Variants in KCNAB1 observed in about 807,000 individuals in gnomAD.
The protein encoded by KCNAB1 is potassium voltage-gated channel subfamily A regulatory beta subunit 1, also known as voltage-gated potassium channel subunit beta-1.
Under a neutral mutation model 64.6 loss-of-function variants are expected in KCNAB1, and 35 were observed. The observed-to-expected ratio is 0.54, with a 90% CI of 0.41 to 0.72. The LOEUF (loss-of-function observed/expected upper bound fraction) is 0.72. Among genes scored for constraint, KCNAB1 ranks in the 30% least tolerant of loss-of-function variants. KCNAB1 has a pLI of 0.00. For synonymous variants in KCNAB1, 177 were observed against 183.8 expected (o/e 0.96, Z 0.30); for missense variants, 401 against 512.9 (o/e 0.78, Z 2.11).
chr3:156,431,742 T>G (rs1248371459), intron 2 of KCNAB1, among the ~76,000 whole-genome samples: 1 of 152,238 alleles, frequency 6.6e-6, no homozygotes, highest in Non-Finnish European at 1.5e-5. Flanking sequence ...CACAAATTTC[T>G]AGGCCCACAT....
chr3:156,469,296 A>T (rs6770305), intron 7 of KCNAB1, among the ~76,000 whole-genome samples: 2 of 134,308 alleles, frequency 1.5e-5, no homozygotes, highest in African/African-American at 5.5e-5. Context: ...TTACTCTGCC[A>T]CCCAGGCTGG....
intron 1 of KCNAB1, among the ~76,000 whole-genome samples, chr3:156,189,365 G>A (rs555270638): frequency 6.6e-6 from 1 of 152,334 alleles, no homozygotes; most frequent in African/African-American, 2.4e-5. Context: ...CAGAGAGGGT[G>A]TGTGAGTAAG....
chr3:156,230,417 G>C (rs1284166968), intron 1 of KCNAB1, among the ~76,000 whole-genome samples: 1 of 152,150 alleles, frequency 6.6e-6, no homozygotes, highest in Admixed American at 6.5e-5. Flanking sequence ...ATGCCATTTA[G>C]GTCTGTGTAA....
intron 1 of KCNAB1, among the ~76,000 whole-genome samples, chr3:156,419,971 C>A (rs751309187): frequency 6.6e-6 from 1 of 152,206 alleles, no homozygotes; most frequent in Non-Finnish European, 1.5e-5. Context: ...ACTAAATGAA[C>A]AATTTCTTAT....
At chr3:156,235,889 G>T (rs78157408) in intron 1 of KCNAB1, among the ~76,000 whole-genome samples, 2,571 of 152,200 alleles carry the variant, frequency 0.017, 46 homozygotes, top group South Asian at 0.03. Context: ...TGGGGGCTAT[G>T]ATGTTGCTTA....
At position 156,447,869 on chromosome 3, in the gene KCNAB1, T is replaced by C. The variant is rs144162961; in HGVS notation, c.320-5030T>C. ...AATTGCACTATGGTGATGTAAGATA[T>C]TAAAATGATCTCATCTAAATGTCTA... On this transcript the variant is annotated intron_variant, in intron 2 of 13. Transcript: ENST00000490337. Among the ~76,000 whole-genome samples the C allele has an allele frequency of 2.0e-5, 3 of 152,336 alleles. No homozygotes were observed. In the East Asian group the frequency reaches 5.8e-4, roughly 29 times the overall value.
chr3:156,408,036 G>A (rs890257172), intron 1 of KCNAB1, among the ~76,000 whole-genome samples: 7 of 152,130 alleles, frequency 4.6e-5, no homozygotes, highest in African/African-American at 1.7e-4. Context: ...AGAGATTGTG[G>A]AAGGTGACGG....
chr3:156,261,942 T>C (rs1718456149), intron 1 of KCNAB1, among the ~76,000 whole-genome samples: 1 of 151,990 alleles, frequency 6.6e-6, no homozygotes, highest in Non-Finnish European at 1.5e-5. Flanking sequence ...TACTTCTTTT[T>C]AAAAATTTAT....
At chr3:156,531,110 CTG>C (rs1718673262) in intron 12 of KCNAB1, among the ~76,000 whole-genome samples, 1 of 152,170 alleles carries the variant, frequency 6.6e-6, no homozygotes, top group African/African-American at 2.4e-5. Context: ...AGCAGTGCAT[CTG>C]TGTTTTCTGC....
At chr3:156,119,658 G>C (rs556770609), upstream of KCNAB1, among the ~76,000 whole-genome samples, 7 of 152,228 alleles carry the variant, frequency 4.6e-5, no homozygotes, top group African/African-American at 1.7e-4. Flanking sequence ...TGCTTAACGG[G>C]TCACTAAACA....
chr3:156,155,610 A>G (rs79057348), intron 1 of KCNAB1, among the ~76,000 whole-genome samples: 4,896 of 152,276 alleles, frequency 0.032, 235 homozygotes, highest in African/African-American at 0.099. Context: ...GGAACAGTAT[A>G]TGCAAAAGCC....
At chr3:156,175,740 C>T in intron 1 of KCNAB1, 1 of 553,318 alleles carries the variant, frequency 1.8e-6, no homozygotes, top group Non-Finnish European at 3.4e-6. Flanking sequence ...CCACCACCTC[C>T]TCTGTTTCTT....
intron 1 of KCNAB1, among the ~76,000 whole-genome samples, chr3:156,195,123 T>C (rs925032696): frequency 6.6e-6 from 1 of 152,242 alleles, no homozygotes; most frequent in Non-Finnish European, 1.5e-5. Flanking sequence ...CCTTATCCTT[T>C]TTTATGGCTG....
intron 8 of KCNAB1, among the ~76,000 whole-genome samples, chr3:156,511,339 G>A (rs1331132936): frequency 1.3e-5 from 2 of 152,090 alleles, no homozygotes; most frequent in Non-Finnish European, 2.9e-5. Flanking sequence ...TCCTGACCTC[G>A]TGATCCACCC....
chr3:156,476,311 C>G (rs1018960808), intron 8 of KCNAB1, among the ~76,000 whole-genome samples: 1 of 152,114 alleles, frequency 6.6e-6, no homozygotes, highest in East Asian at 1.9e-4. Context: ...CACTCTTCCC[C>G]CCAAGTCCCC....
At chr3:156,444,814 T>C (rs1421578371) in intron 2 of KCNAB1, among the ~76,000 whole-genome samples, 1 of 152,228 alleles carries the variant, frequency 6.6e-6, no homozygotes, top group African/African-American at 2.4e-5. Flanking sequence ...CCCTCTCTTA[T>C]TGAAATAACA....
At chr3:156,396,963 A>T (rs1713509339) in intron 1 of KCNAB1, among the ~76,000 whole-genome samples, 1 of 152,206 alleles carries the variant, frequency 6.6e-6, no homozygotes, top group African/African-American at 2.4e-5. Flanking sequence ...ATCATAAAAC[A>T]TTTGGGCTTG....
intron 8 of KCNAB1, among the ~76,000 whole-genome samples, chr3:156,513,381 T>C (rs1433978983): frequency 1.3e-5 from 2 of 152,194 alleles, no homozygotes; most frequent in Admixed American, 6.5e-5. Context: ...GCAACTCTAC[T>C]TTGAGACAAG....
At chr3:156,330,455 C>CA (rs912405592) in intron 1 of KCNAB1, among the ~76,000 whole-genome samples, 6 of 151,816 alleles carry the variant, frequency 4.0e-5, no homozygotes, top group Non-Finnish European at 8.8e-5. Context: ...GGAAGGCTTC[C>CA]AAAAAAAATT....
Sources: gnomAD v4.1 joint callset for allele counts (sites outside exome capture counted in the v4.1 genomes callset) on GRCh38, gnomAD v4.1.1 for gene constraint, MANE v1.5 for transcripts, NCBI Gene and HGNC (gene_info 2026-07-23, HGNC 2026-07-21) for gene names.